Variants in PTPRD observed in about 807,000 individuals in gnomAD.
PTPRD encodes the protein receptor-type tyrosine-protein phosphatase delta.
In PTPRD, 34 loss-of-function variants were observed where a neutral mutation model predicts 214.5. That is an observed-to-expected ratio of 0.16 (90% confidence interval 0.12 to 0.21). The LOEUF (loss-of-function observed/expected upper bound fraction) is 0.21, where lower values mean the gene tolerates loss of function less well. PTPRD is among the 10% of genes least tolerant of loss of function. The probability of loss-of-function intolerance (pLI) is 1.00; values close to 1 mark genes in which losing one functional copy is unlikely to be tolerated. For synonymous variants in PTPRD, 1,128 were observed against 845.7 expected (o/e 1.33, Z -5.79); for missense variants, 2,545 against 2,398.7 (o/e 1.06, Z -1.27).
intron 2 of PTPRD, among the ~76,000 whole-genome samples, chr9:10,505,692 A>G (rs1002761801): frequency 2.6e-5 from 4 of 152,130 alleles, no homozygotes; most frequent in African/African-American, 9.7e-5. Flanking sequence ...AAAGTTAAAA[A>G]AAAAAAAACT....
At chr9:8,934,475 A>G (rs1204899098) in intron 11 of PTPRD, among the ~76,000 whole-genome samples, 1 of 9,256 alleles carries the variant, frequency 1.1e-4, no homozygotes, top group Admixed American at 1.3e-3. Flanking sequence ...ATATATATAT[A>G]TAAATATATA....
intron 9 of PTPRD, among the ~76,000 whole-genome samples, chr9:9,328,618 C>CTTT: frequency 3.5e-5 from 1 of 28,214 alleles, no homozygotes; most frequent in Non-Finnish European, 6.5e-5. Flanking sequence ...GTTGTTCTTG[C>CTTT]TTTTTTTTTT....
Position 8,411,294 on chromosome 9 carries a change from A to C in PTPRD, c.4087-6634T>G, listed in dbSNP as rs187706470. ...ACTATATACTTTTTTAAAATTTTTT[A>C]TTTATCTTTTATTTTTATTTTTATT... On this transcript the variant is annotated intron_variant, in intron 35 of 45. Coordinates refer to ENST00000381196, the MANE Select transcript of PTPRD (RefSeq NM_002839.4). Among the ~76,000 whole-genome samples, 12 of 148,306 alleles carry C rather than the reference A, an allele frequency of 8.1e-5. No individual in the cohort carries two copies. In the East Asian group the frequency reaches 2.3e-3, roughly 29 times the overall value.
chr9:9,146,972 T>C (rs2099869624), intron 10 of PTPRD, among the ~76,000 whole-genome samples: 2 of 152,254 alleles, frequency 1.3e-5, no homozygotes, highest in Middle Eastern at 6.8e-3. Context: ...TTAAAAACAT[T>C]TTCTGATTGA....
At chr9:9,000,353 T>C (rs923077835) in intron 11 of PTPRD, among the ~76,000 whole-genome samples, 1 of 151,942 alleles carries the variant, frequency 6.6e-6, no homozygotes, top group Non-Finnish European at 1.5e-5. Context: ...TCTTTCAATG[T>C]GCAATAGGGG....
At chr9:9,057,062 T>C (rs2099697643) in intron 10 of PTPRD, among the ~76,000 whole-genome samples, 1 of 152,158 alleles carries the variant, frequency 6.6e-6, no homozygotes, top group Admixed American at 6.5e-5. Context: ...GATGATTAAA[T>C]GCCCATGAGA....
intron 10 of PTPRD, among the ~76,000 whole-genome samples, chr9:9,047,759 G>A (rs150319550): frequency 0.017 from 2,535 of 152,084 alleles, 30 homozygotes; most frequent in Non-Finnish European, 0.025. Flanking sequence ...TTAAATCTAA[G>A]ACCTCACACT....
At chr9:9,921,393 A>G (rs2082498738) in intron 5 of PTPRD, among the ~76,000 whole-genome samples, 2 of 152,186 alleles carry the variant, frequency 1.3e-5, no homozygotes, top group African/African-American at 4.8e-5. Flanking sequence ...CATTCCTAAC[A>G]TAAATTCTCA....
chr9:9,757,310 TATC>T (rs2098596621), intron 6 of PTPRD, among the ~76,000 whole-genome samples: 2 of 152,182 alleles, frequency 1.3e-5, no homozygotes, highest in African/African-American at 2.4e-5. Context: ...TCTATTTAAA[TATC>T]ATGATAAAAG....
At chr9:8,430,092 C>G (rs1330818555) in intron 35 of PTPRD, among the ~76,000 whole-genome samples, 1 of 151,926 alleles carries the variant, frequency 6.6e-6, no homozygotes, top group Non-Finnish European at 1.5e-5. Context: ...TTATCTCAAC[C>G]CACACCACAA....
chr9:8,320,027 C>T (rs1825779374), intron 44 of PTPRD, 61 bp from the exon 45 acceptor site: 4 of 1,583,982 alleles, frequency 2.5e-6, no homozygotes, highest in African/African-American at 2.7e-5. Context: ...GCCACATTTG[C>T]TTGGGTGTGG....
chr9:8,581,624 T>C (rs1300035432), intron 14 of PTPRD, among the ~76,000 whole-genome samples: 1 of 152,130 alleles, frequency 6.6e-6, no homozygotes, highest in East Asian at 1.9e-4. Flanking sequence ...GGCAGATGCC[T>C]GTAGTCCCAG....
chr9:9,830,457 T>C (rs10816199), intron 5 of PTPRD, among the ~76,000 whole-genome samples: 16,998 of 151,858 alleles, frequency 0.11, 2,410 homozygotes, highest in East Asian at 0.74. Flanking sequence ...CTATTTTTGA[T>C]AGATAATCAT....
At chr9:10,576,305 G>A (rs1228695306) in intron 2 of PTPRD, among the ~76,000 whole-genome samples, 1 of 152,098 alleles carries the variant, frequency 6.6e-6, no homozygotes, top group Non-Finnish European at 1.5e-5. Context: ...AACTGTCTGG[G>A]ATATACTGTG....
intron 12 of PTPRD, among the ~76,000 whole-genome samples, chr9:8,683,181 C>G (rs577774241): frequency 6.6e-6 from 1 of 152,150 alleles, no homozygotes; most frequent in African/African-American, 2.4e-5. Flanking sequence ...ACACACAAAG[C>G]TGTATTTTCT....
intron 8 of PTPRD, among the ~76,000 whole-genome samples, chr9:9,561,739 G>A (rs141338086): frequency 7.2e-5 from 11 of 152,270 alleles, no homozygotes; most frequent in Non-Finnish European, 1.6e-4. Flanking sequence ...TCTCTTCAGA[G>A]GTGATGAGAT....
rs76878813 is a variant in PTPRD, at chr9:8,821,613, T to C, written c.-103-87667A>G. Among the ~76,000 whole-genome samples, 745 of 152,306 alleles carry C rather than the reference T, an allele frequency of 4.9e-3. 2 individuals carry two copies. Among genetic ancestry groups the C allele is most frequent in the Middle Eastern group, 0.01 (3 of 294 alleles). On this transcript the variant is annotated intron_variant, in intron 11 of 45. Coordinates refer to ENST00000381196, the MANE Select transcript of PTPRD (RefSeq NM_002839.4). ...CTTTGTGAGAAACAACTAACTGGCCTGGCTCTTGACTGTTTTAGACTTTCT... is the reference window on the plus strand; with the variant it reads ...CTTTGTGAGAAACAACTAACTGGCCCGGCTCTTGACTGTTTTAGACTTTCT...
At chr9:10,278,103 C>A (rs1480605669) in intron 3 of PTPRD, among the ~76,000 whole-genome samples, 2 of 151,192 alleles carry the variant, frequency 1.3e-5, no homozygotes, top group East Asian at 3.9e-4. Context: ...GAGCGAAGAG[C>A]CGAGATAGCG....
At chr9:9,474,335 C>A (rs1312161486) in intron 8 of PTPRD, among the ~76,000 whole-genome samples, 2 of 151,962 alleles carry the variant, frequency 1.3e-5, no homozygotes, top group African/African-American at 4.8e-5. Context: ...ATACCAATAT[C>A]ATGCCGTATT....
Sources: allele counts gnomAD v4.1 joint callset (sites outside exome capture counted in the v4.1 genomes callset), GRCh38; gene constraint gnomAD v4.1.1; transcripts MANE v1.5; gene names NCBI Gene and HGNC (gene_info 2026-07-23, HGNC 2026-07-21).